The following ACBD6 variants were observed in gnomAD, a reference collection of about 807,000 sequenced individuals.
ACBD6 encodes the protein acyl-CoA binding domain containing 6, also known as acyl-CoA-binding domain-containing protein 6.
ACBD6 carries 28 observed loss-of-function variants against 37.2 expected under a neutral mutation model. That is an observed-to-expected ratio of 0.75 (90% CI 0.56 to 1.03). The LOEUF (loss-of-function observed/expected upper bound fraction) is 1.03, where lower values mean the gene tolerates loss of function less well. Ranked by LOEUF, ACBD6 falls within the 50% of genes least tolerant of loss-of-function variation. The pLI is 0.00. For synonymous variants in ACBD6, 113 were observed against 126.8 expected, an observed-to-expected ratio of 0.89 and a Z score of 0.73; for missense variants, 340 against 337.4, an observed-to-expected ratio of 1.01 and a Z score of -0.06.
intron 5 of ACBD6, among the ~76,000 whole-genome samples, chr1:180,410,757 G>A (rs545035116): frequency 6.6e-6 from 1 of 152,206 alleles, no homozygotes; most frequent in Non-Finnish European, 1.5e-5. Flanking sequence ...GGAAATTAAT[G>A]TTGTTTTCTT....
At chr1:180,344,939 T>C (rs1005164091) in intron 6 of ACBD6, among the ~76,000 whole-genome samples, 1 of 152,226 alleles carries the variant, frequency 6.6e-6, no homozygotes, top group Non-Finnish European at 1.5e-5. Flanking sequence ...TAATTCCTAT[T>C]ACCAAAATCT....
chr1:180,482,014 C>A (rs917328133), intron 3 of ACBD6, among the ~76,000 whole-genome samples: 1 of 152,080 alleles, frequency 6.6e-6, no homozygotes, highest in African/African-American at 2.4e-5. Context: ...AAGAAATATT[C>A]TCTAGCATAA....
At chr1:180,439,371 T>TC (rs1649188998) in intron 3 of ACBD6, among the ~76,000 whole-genome samples, 2 of 151,958 alleles carry the variant, frequency 1.3e-5, no homozygotes, top group Non-Finnish European at 2.9e-5. Context: ...GATCACAAGG[T>TC]CAGGAGATCG....
chr1:180,347,485 G>A (rs1334589321), intron 6 of ACBD6, among the ~76,000 whole-genome samples: 1 of 150,062 alleles, frequency 6.7e-6, no homozygotes, highest in African/African-American at 2.5e-5. Flanking sequence ...TCCTACCTCA[G>A]CCTCCCGAGT....
chr1:180,336,551 G>C (rs1259254704), intron 6 of ACBD6, among the ~76,000 whole-genome samples: 2 of 148,808 alleles, frequency 1.3e-5, no homozygotes, highest in Non-Finnish European at 3.0e-5. Context: ...ATGCCCACAA[G>C]AGAAAGCAGG....
rs539587458 is a variant in ACBD6 at position 180,354,857 on chromosome 1, T to C, written c.664-40135A>G. Among the ~76,000 whole-genome samples the C allele has an allele frequency of 5.5e-4, 83 of 152,292 alleles. No individual in the cohort carries two copies. The South Asian group carries it at 6.0e-3, about 11-fold the overall frequency. ...TAAGAAGGTCTTATTTCTGATATAG[T>C]TTTTAAAAAATAAGAATAAAACACG... On this transcript the variant is annotated intron_variant, in intron 6 of 7. Coordinates refer to ENST00000367595, the MANE Select transcript of ACBD6 (RefSeq NM_032360.4).
At chr1:180,271,061 A>C in exon 14 of ACBD6, 1 of 415,304 alleles carries the variant, frequency 2.4e-6, no homozygotes, top group Non-Finnish European at 4.6e-6. Flanking sequence ...AGTGTTTGTC[A>C]TGACAGGGAC....
chr1:180,492,369 C>T lies in ACBD6; in HGVS notation c.288-4G>A, dbSNP rs747148857. 26 of 1,612,260 alleles carry T rather than the reference C, an allele frequency of 1.6e-5. No individual in the cohort carries two copies. Among genetic ancestry groups the T allele is most frequent in the Admixed American group, 1.0e-4 (6 of 59,984 alleles). On this transcript the variant is annotated splice_polypyrimidine_tract_variant and splice_region_variant and intron_variant, in intron 2 of 7. Coordinates refer to ENST00000367595, the MANE Select transcript of ACBD6 (RefSeq NM_032360.4). ...ACCAAGTGCTTTCCAAGCTTCCCTACAATATGGAATATCCAAAATGGCCTG... is the reference window on the plus strand; with the variant it reads ...ACCAAGTGCTTTCCAAGCTTCCCTATAATATGGAATATCCAAAATGGCCTG...
chr1:180,446,653 A>C (rs2102020607), intron 3 of ACBD6, among the ~76,000 whole-genome samples: 1 of 152,310 alleles, frequency 6.6e-6, no homozygotes, highest in African/African-American at 2.4e-5. Flanking sequence ...TTTTTCAAGA[A>C]AGGGGAACTC....
chr1:180,357,421 A>T (rs1429503472), intron 6 of ACBD6, among the ~76,000 whole-genome samples: 2 of 152,220 alleles, frequency 1.3e-5, no homozygotes, highest in Non-Finnish European at 2.9e-5. Flanking sequence ...TTAGAGCACA[A>T]GCAAAAGTTA....
At chr1:180,442,228 C>A (rs958268037) in intron 3 of ACBD6, among the ~76,000 whole-genome samples, 1 of 151,790 alleles carries the variant, frequency 6.6e-6, no homozygotes, top group Admixed American at 6.6e-5. Flanking sequence ...ACATTTCTTC[C>A]GCATGGGGTT....
chr1:180,339,004 T>G (rs982921712), intron 6 of ACBD6, among the ~76,000 whole-genome samples: 22 of 152,308 alleles, frequency 1.4e-4, no homozygotes, highest in African/African-American at 4.8e-4. Context: ...CCAGTTAGAA[T>G]GGCAATCATT....
At chr1:180,467,460 A>AC (rs1171179443) in intron 3 of ACBD6, among the ~76,000 whole-genome samples, 9 of 150,084 alleles carry the variant, frequency 6.0e-5, no homozygotes, top group Non-Finnish European at 1.2e-4. Context: ...AAAAAAAAAA[A>AC]AAAAAAAAAA....
chr1:180,377,507 A>G (rs564972618), intron 6 of ACBD6, among the ~76,000 whole-genome samples: 4 of 152,326 alleles, frequency 2.6e-5, no homozygotes, highest in Admixed American at 6.5e-5. Context: ...TATAAGATGA[A>G]CCTAGAATCG....
intron 1 of ACBD6, among the ~76,000 whole-genome samples, chr1:180,501,555 T>C (rs777039735): frequency 2.0e-5 from 3 of 152,128 alleles, no homozygotes; most frequent in African/African-American, 4.8e-5. Context: ...CGACCTCAGG[T>C]GATCCTCCCG....
At chr1:180,353,769 A>G (rs1446457781) in intron 6 of ACBD6, among the ~76,000 whole-genome samples, 2 of 131,452 alleles carry the variant, frequency 1.5e-5, no homozygotes, top group African/African-American at 5.7e-5. Context: ...CAATGACATA[A>G]AACAGTTAAC....
At chr1:180,461,223 AC>A (rs1175010633) in intron 3 of ACBD6, among the ~76,000 whole-genome samples, 1 of 152,218 alleles carries the variant, frequency 6.6e-6, no homozygotes, top group Non-Finnish European at 1.5e-5. Flanking sequence ...AAAGTAATGA[AC>A]AAAACCTCTG....
intron 6 of ACBD6, among the ~76,000 whole-genome samples, chr1:180,361,273 T>TC (rs1448120583): frequency 1.1e-5 from 1 of 92,020 alleles, no homozygotes; most frequent in African/African-American, 5.1e-5. Flanking sequence ...ACTTTTTTTT[T>TC]CCTTTTTTTT....
At chr1:180,362,172 CT>C (rs1444915622) in intron 6 of ACBD6, among the ~76,000 whole-genome samples, 2 of 152,150 alleles carry the variant, frequency 1.3e-5, no homozygotes, top group Non-Finnish European at 2.9e-5. Context: ...ACAAAAGAAA[CT>C]GTGCTAAGGG....
Sources: allele counts gnomAD v4.1 joint callset (sites outside exome capture counted in the v4.1 genomes callset), GRCh38; gene constraint gnomAD v4.1.1; transcripts MANE v1.5; gene names NCBI Gene and HGNC (gene_info 2026-07-23, HGNC 2026-07-21).